Variants in HS6ST3 observed in about 807,000 individuals in gnomAD.
HS6ST3 encodes the protein heparan sulfate 6-O-sulfotransferase 3.
In HS6ST3, 12 loss-of-function variants were observed where a neutral mutation model predicts 36.7. The ratio of observed to expected loss-of-function variants is 0.33; its 90% confidence interval spans 0.21 to 0.53. HS6ST3 has a LOEUF of 0.53. Among genes scored for constraint, HS6ST3 ranks in the 20% least tolerant of loss-of-function variants. HS6ST3 has a pLI of 0.95. For synonymous variants in HS6ST3, 240 were observed against 257.5 expected, an observed-to-expected ratio of 0.93 and a Z score of 0.65; for missense variants, 584 against 640.9, an observed-to-expected ratio of 0.91 and a Z score of 0.96.
chr13:96,453,679 A>T (rs990721202), intron 1 of HS6ST3, among the ~76,000 whole-genome samples: 1 of 152,164 alleles, frequency 6.6e-6, no homozygotes, highest in Non-Finnish European at 1.5e-5. Flanking sequence ...CCATTTTATT[A>T]GCTACTGGTT....
intron 1 of HS6ST3, among the ~76,000 whole-genome samples, chr13:96,378,645 T>G (rs1451554122): frequency 6.6e-6 from 1 of 152,170 alleles, no homozygotes; most frequent in Non-Finnish European, 1.5e-5. Flanking sequence ...GCCCCTTAAC[T>G]GAGGGTCAAG....
chr13:96,122,623 A>G (rs1424815545), intron 1 of HS6ST3, among the ~76,000 whole-genome samples: 1 of 152,212 alleles, frequency 6.6e-6, no homozygotes, highest in African/African-American at 2.4e-5. Context: ...TATAATGAAA[A>G]TCAAGGGGGA....
intron 1 of HS6ST3, among the ~76,000 whole-genome samples, chr13:96,566,574 C>G: frequency 6.6e-6 from 1 of 152,020 alleles, no homozygotes; most frequent in East Asian, 1.9e-4. Context: ...AAAGAAAAGA[C>G]CCAGCACTGG....
chr13:96,368,956 T>A (rs938938172), intron 1 of HS6ST3, among the ~76,000 whole-genome samples: 11 of 152,036 alleles, frequency 7.2e-5, no homozygotes, highest in Non-Finnish European at 1.0e-4. Flanking sequence ...CAGGAAACAT[T>A]TATCTTACTA....
intron 1 of HS6ST3, among the ~76,000 whole-genome samples, chr13:96,445,995 AC>A (rs1257620696): frequency 6.6e-6 from 1 of 151,538 alleles, no homozygotes; most frequent in Non-Finnish European, 1.5e-5. Context: ...ACACGGTGAA[AC>A]CCCGTCTCTA....
At chr13:96,412,232 C>G (rs1020492904) in intron 1 of HS6ST3, among the ~76,000 whole-genome samples, 1 of 151,848 alleles carries the variant, frequency 6.6e-6, no homozygotes, top group African/African-American at 2.4e-5. Context: ...CTCGATCTCT[C>G]GACCTTGTGA....
intron 1 of HS6ST3, among the ~76,000 whole-genome samples, chr13:96,753,295 T>C (rs914516708): frequency 2.0e-5 from 3 of 152,236 alleles, no homozygotes; most frequent in Non-Finnish European, 4.4e-5. Flanking sequence ...TGGAATCTTT[T>C]ATTACATTTG....
intron 1 of HS6ST3, among the ~76,000 whole-genome samples, chr13:96,358,528 T>A (rs558232428): frequency 6.6e-6 from 1 of 151,838 alleles, no homozygotes; most frequent in Admixed American, 6.6e-5. Context: ...TTTAAAAAAA[T>A]TAATGTCATA....
chr13:96,637,738 AT>A (rs1317402926), intron 1 of HS6ST3, among the ~76,000 whole-genome samples: 2 of 152,122 alleles, frequency 1.3e-5, no homozygotes, highest in Admixed American at 6.6e-5. Context: ...GAGTAAACAA[AT>A]AAAAAAAACA....
intron 1 of HS6ST3, among the ~76,000 whole-genome samples, chr13:96,102,933 A>G (rs2053824646): frequency 6.6e-6 from 1 of 152,220 alleles, no homozygotes; most frequent in Non-Finnish European, 1.5e-5. Context: ...AACTGCTAAT[A>G]ATTCAGTGAG....
chr13:96,288,171 G>T (rs2054812905), intron 1 of HS6ST3, among the ~76,000 whole-genome samples: 1 of 152,148 alleles, frequency 6.6e-6, no homozygotes, highest in Non-Finnish European at 1.5e-5. Context: ...ACATAAGTTT[G>T]AGAGTCACTG....
chr13:96,307,598 A>C lies in HS6ST3; in HGVS notation c.707+216029A>C, dbSNP rs577457124. On this transcript the variant is annotated intron_variant, in intron 1 of 1. Transcript: ENST00000376705. ...TTTATTGATTTATTGTGACATAGGA[A>C]ATAATTTATTGTATTTTGAGTTATT... Among the ~76,000 whole-genome samples the C allele has an allele frequency of 2.8e-4, 43 of 152,218 alleles. 1 individual carries two copies. In the South Asian group the frequency reaches 8.5e-3, roughly 30 times the overall value.
At chr13:96,495,099 A>G (rs2055968231) in intron 1 of HS6ST3, among the ~76,000 whole-genome samples, 2 of 151,920 alleles carry the variant, frequency 1.3e-5, no homozygotes, top group African/African-American at 4.8e-5. Context: ...AACTGATATT[A>G]TACTCTTCTC....
chr13:96,494,018 G>A (rs1239878107), intron 1 of HS6ST3, among the ~76,000 whole-genome samples: 2 of 152,068 alleles, frequency 1.3e-5, no homozygotes, highest in Non-Finnish European at 2.9e-5. Context: ...TTTCTACTAT[G>A]TCAATGGTTC....
chr13:96,382,521 C>T (rs1038679547), intron 1 of HS6ST3, among the ~76,000 whole-genome samples: 16 of 152,190 alleles, frequency 1.1e-4, no homozygotes, highest in African/African-American at 3.9e-4. Context: ...TTCATTCTTA[C>T]TGAAGCGTCC....
intron 1 of HS6ST3, among the ~76,000 whole-genome samples, chr13:96,258,935 C>T (rs1429214612): frequency 6.6e-6 from 1 of 151,970 alleles, no homozygotes; most frequent in Non-Finnish European, 1.5e-5. Flanking sequence ...ATTATGGGTG[C>T]ACAAATGAGG....
At chr13:96,294,724 GT>G (rs1250415900) in intron 1 of HS6ST3, among the ~76,000 whole-genome samples, 1 of 152,036 alleles carries the variant, frequency 6.6e-6, no homozygotes, top group African/African-American at 2.4e-5. Context: ...AAACCAGGCT[GT>G]TTTTATTATC....
At chr13:96,759,435 A>G (rs777181193) in intron 1 of HS6ST3, among the ~76,000 whole-genome samples, 2 of 151,668 alleles carry the variant, frequency 1.3e-5, no homozygotes, top group Admixed American at 1.3e-4. Context: ...TTTTATGTAT[A>G]CCTTTTGTGT....
intron 1 of HS6ST3, among the ~76,000 whole-genome samples, chr13:96,216,238 T>C (rs1229777752): frequency 6.6e-6 from 1 of 152,234 alleles, no homozygotes; most frequent in Non-Finnish European, 1.5e-5. Flanking sequence ...TTCTAGCCTA[T>C]TTTAATGGTT....
Sources: gnomAD v4.1 joint callset for allele counts (sites outside exome capture counted in the v4.1 genomes callset) on GRCh38, gnomAD v4.1.1 for gene constraint, MANE v1.5 for transcripts, NCBI Gene and HGNC (gene_info 2026-07-23, HGNC 2026-07-21) for gene names.